Variants in PCCA observed in about 807,000 individuals in gnomAD.
PCCA encodes propionyl-CoA carboxylase subunit alpha, also known as propionyl-CoA carboxylase alpha chain, mitochondrial.
A neutral mutation model predicts 101.3 loss-of-function variants in PCCA; 74 were observed. That is an observed-to-expected ratio of 0.73 (90% CI 0.61 to 0.89). PCCA has a LOEUF of 0.89. Ranked by LOEUF, PCCA falls within the 40% of genes least tolerant of loss-of-function variation. The probability of loss-of-function intolerance (pLI) is 0.00; values close to 1 mark genes in which losing one functional copy is unlikely to be tolerated. For synonymous variants in PCCA, 294 were observed against 313.6 expected, an observed-to-expected ratio of 0.94 and a Z score of 0.66; for missense variants, 891 against 907.0, an observed-to-expected ratio of 0.98 and a Z score of 0.23.
chr13:100,368,054 G>C (rs563163793), intron 18 of PCCA, among the ~76,000 whole-genome samples: 1 of 152,008 alleles, frequency 6.6e-6, no homozygotes, highest in Non-Finnish European at 1.5e-5. Flanking sequence ...TCTATAAGTA[G>C]AATAATGTAG....
chr13:100,497,361 A>G (rs1442254138), intron 21 of PCCA, among the ~76,000 whole-genome samples: 1 of 152,246 alleles, frequency 6.6e-6, no homozygotes, highest in Non-Finnish European at 1.5e-5. Context: ...TTTGGCTTTG[A>G]AGTATGCATC....
At chr13:100,130,240 C>A (rs1004002335) in intron 4 of PCCA, among the ~76,000 whole-genome samples, 1 of 152,234 alleles carries the variant, frequency 6.6e-6, no homozygotes, top group African/African-American at 2.4e-5. Flanking sequence ...CAGTCACTCA[C>A]CCCACTTGGG....
chr13:100,494,123 A>T (rs530630247), intron 21 of PCCA, among the ~76,000 whole-genome samples: 1 of 152,054 alleles, frequency 6.6e-6, no homozygotes, highest in East Asian at 1.9e-4. Flanking sequence ...CAGGAGGTGG[A>T]GATTACAGTG....
chr13:100,340,202 C>T lies in PCCA; in HGVS notation c.1586C>T (p.Ala529Val), dbSNP rs369997175. ...GAGAAGAACCAGTTATTGGCAATAGCATCATCATTGTTTGTGGCATTCCAG... is the reference window on the plus strand; with the variant it reads ...GAGAAGAACCAGTTATTGGCAATAGTATCATCATTGTTTGTGGCATTCCAG... Reference protein sequence around the residue: ...KSEKNQLLAIASSLFVAFQLR... With the variant: ...KSEKNQLLAIVSSLFVAFQLR... Residue 529 changes from alanine to valine, a missense_variant, in exon 18 of 24, where the codon GCA becomes GTA. By Grantham distance (64) the Ala-to-Val change is moderately conservative (BLOSUM62 0). Transcript: ENST00000376285. The T allele has an allele frequency of 6.2e-7, 1 of 1,611,200 alleles. No homozygotes were observed. The highest frequency in any genetic ancestry group is 2.2e-5 in the East Asian group (1 of 44,826).
At chr13:100,282,628 A>C (rs1341226049) in intron 12 of PCCA, among the ~76,000 whole-genome samples, 2 of 152,216 alleles carry the variant, frequency 1.3e-5, no homozygotes, top group Non-Finnish European at 2.9e-5. Flanking sequence ...ACCGTGCTGC[A>C]CTATGGCTTG....
intron 19 of PCCA, among the ~76,000 whole-genome samples, chr13:100,372,161 A>G (rs1250772776): frequency 1.3e-5 from 2 of 152,200 alleles, no homozygotes; most frequent in African/African-American, 4.8e-5. Context: ...CCTGGGCAAC[A>G]TGGTGAAACC....
chr13:100,390,571 G>T (rs941709566), intron 19 of PCCA, among the ~76,000 whole-genome samples: 1 of 152,184 alleles, frequency 6.6e-6, no homozygotes, highest in East Asian at 1.9e-4. Flanking sequence ...AGAGGAAGAA[G>T]AATCAGCAAA....
At chr13:100,260,604 C>G (rs1470718166) in intron 9 of PCCA, among the ~76,000 whole-genome samples, 1 of 151,762 alleles carries the variant, frequency 6.6e-6, no homozygotes, top group Non-Finnish European at 1.5e-5. Flanking sequence ...ACCGTGTTGC[C>G]CAGGCTGGTC....
At chr13:100,362,294 T>TA (rs1161834178) in intron 18 of PCCA, among the ~76,000 whole-genome samples, 11 of 151,304 alleles carry the variant, frequency 7.3e-5, no homozygotes, top group Non-Finnish European at 1.0e-4. Flanking sequence ...GAGTAAAATT[T>TA]AAAAAAAAAT....
chr13:100,195,889 T>A (rs2058074728), intron 6 of PCCA, among the ~76,000 whole-genome samples: 1 of 152,136 alleles, frequency 6.6e-6, no homozygotes, highest in Non-Finnish European at 1.5e-5. Flanking sequence ...GTGAAGAATG[T>A]GAGGCTTACC....
At chr13:100,424,541 GC>G (rs2079019092) in intron 19 of PCCA, among the ~76,000 whole-genome samples, 1 of 152,124 alleles carries the variant, frequency 6.6e-6, no homozygotes, top group Non-Finnish European at 1.5e-5. Flanking sequence ...ACAAAACTGA[GC>G]CCTGGGCTTC....
chr13:100,403,867 C>T (rs1409649158), intron 19 of PCCA, among the ~76,000 whole-genome samples: 1 of 152,096 alleles, frequency 6.6e-6, no homozygotes, highest in Non-Finnish European at 1.5e-5. Context: ...TTCCTGAGGC[C>T]CCACCCCAGT....
chr13:100,274,050 TACAA>T (rs2063482715), intron 12 of PCCA, among the ~76,000 whole-genome samples: 1 of 152,222 alleles, frequency 6.6e-6, no homozygotes. Flanking sequence ...TAGAAGTATT[TACAA>T]AACAGCCAGC....
At chr13:100,422,231 C>T (rs2078880112) in intron 19 of PCCA, among the ~76,000 whole-genome samples, 1 of 150,308 alleles carries the variant, frequency 6.7e-6, no homozygotes, top group South Asian at 2.1e-4. Flanking sequence ...GGCCTGGGCT[C>T]AAGCAATCTC....
intron 6 of PCCA, among the ~76,000 whole-genome samples, chr13:100,174,963 A>G (rs542009563): frequency 8.5e-5 from 13 of 152,136 alleles, no homozygotes; most frequent in Non-Finnish European, 1.6e-4. Flanking sequence ...AATTTACTTA[A>G]AAAGTTAATA....
chr13:100,258,839 A>G (rs2062251006), intron 9 of PCCA, among the ~76,000 whole-genome samples: 2 of 152,230 alleles, frequency 1.3e-5, no homozygotes, highest in Non-Finnish European at 2.9e-5. Flanking sequence ...TAATAAAAAT[A>G]CATGAATAAT....
chr13:100,099,313 A>ATG (rs1566461612), intron 1 of PCCA, among the ~76,000 whole-genome samples: 15 of 144,530 alleles, frequency 1.0e-4, no homozygotes, highest in African/African-American at 4.0e-4. Context: ...GTGCTATCTA[A>ATG]TCTTTTTTTT....
At chr13:100,445,010 G>T (rs2080718183) in intron 20 of PCCA, among the ~76,000 whole-genome samples, 1 of 152,160 alleles carries the variant, frequency 6.6e-6, no homozygotes, top group African/African-American at 2.4e-5. Flanking sequence ...TCGTGATTCT[G>T]ATGTCTGGAA....
At chr13:100,495,184 A>G (rs1169270009) in intron 21 of PCCA, among the ~76,000 whole-genome samples, 7 of 152,124 alleles carry the variant, frequency 4.6e-5, no homozygotes, top group Non-Finnish European at 1.0e-4. Flanking sequence ...TCCAAAACAA[A>G]GATTAATCCA....
Sources: allele counts gnomAD v4.1 joint callset (sites outside exome capture counted in the v4.1 genomes callset), GRCh38; gene constraint gnomAD v4.1.1; transcripts MANE v1.5; gene names NCBI Gene and HGNC (gene_info 2026-07-23, HGNC 2026-07-21).